SLC2A13: variants seen among roughly 807,000 people sequenced by gnomAD.
SLC2A13 encodes solute carrier family 2 member 13, also known as proton myo-inositol cotransporter.
Under a neutral mutation model 64.4 loss-of-function variants are expected in SLC2A13, and 32 were observed. The observed-to-expected ratio is 0.50, with a 90% CI of 0.37 to 0.67. The LOEUF (loss-of-function observed/expected upper bound fraction) is 0.67, where lower values mean the gene tolerates loss of function less well. Among genes scored for constraint, SLC2A13 ranks in the 30% least tolerant of loss-of-function variants. The pLI is 0.00. For missense variants in SLC2A13, 743 were observed against 829.2 expected (o/e 0.90, Z 1.28); for synonymous variants, 338 against 327.1 (o/e 1.03, Z -0.36).
At chr12:40,076,536 T>A (rs963346360) in intron 1 of SLC2A13, among the ~76,000 whole-genome samples, 1 of 152,212 alleles carries the variant, frequency 6.6e-6, no homozygotes, top group African/African-American at 2.4e-5. Flanking sequence ...ATGTACATTT[T>A]CTTTATCCAG....
chr12:39,844,051 G>A (rs913502349), intron 6 of SLC2A13, among the ~76,000 whole-genome samples: 10 of 151,816 alleles, frequency 6.6e-5, no homozygotes, highest in African/African-American at 2.2e-4. Flanking sequence ...TTTTGCTTGG[G>A]GCTCATCATT....
chr12:39,788,723 G>A (rs1307430485), intron 7 of SLC2A13: 1 of 152,056 alleles, frequency 6.6e-6, no homozygotes, highest in Non-Finnish European at 1.5e-5. Context: ...AAGCTTGCAT[G>A]TTCAGGTCTG....
chr12:39,794,803 GTTAAA>G (rs1318039431), intron 7 of SLC2A13, among the ~76,000 whole-genome samples: 1 of 152,128 alleles, frequency 6.6e-6, no homozygotes, highest in Non-Finnish European at 1.5e-5. Context: ...ATTAAACTCT[GTTAAA>G]TTTAATTTGT....
chr12:39,799,535 G>A (rs11173635), intron 7 of SLC2A13, among the ~76,000 whole-genome samples: 2 of 151,740 alleles, frequency 1.3e-5, no homozygotes, highest in South Asian at 4.2e-4. Context: ...TGGCAGAGTA[G>A]AGTAAATCAA....
At chr12:39,927,402 T>C (rs977383869) in intron 4 of SLC2A13, among the ~76,000 whole-genome samples, 9 of 152,186 alleles carry the variant, frequency 5.9e-5, no homozygotes, top group Non-Finnish European at 1.0e-4. Flanking sequence ...ATAAACATAT[T>C]AGTCAAAGCA....
chr12:39,939,933 A>G (rs765877484), intron 4 of SLC2A13, among the ~76,000 whole-genome samples: 1 of 152,174 alleles, frequency 6.6e-6, no homozygotes, highest in Non-Finnish European at 1.5e-5. Context: ...AGGTAATTAG[A>G]CTGAAAGCAA....
chr12:39,860,033 G>A (rs1306905731), intron 6 of SLC2A13, among the ~76,000 whole-genome samples: 2 of 152,098 alleles, frequency 1.3e-5, no homozygotes, highest in East Asian at 3.8e-4. Flanking sequence ...AGAAGAGCAA[G>A]GTTTGAAAGG....
intron 2 of SLC2A13, among the ~76,000 whole-genome samples, chr12:40,038,708 GTGACAGAGCAAGACCCT>G (rs1948030617): frequency 6.9e-6 from 1 of 145,556 alleles, no homozygotes. Context: ...ACCAGCCTGG[GTGACAGAGCAAGACCCT>G]GTCTCAAAAA....
At chr12:39,858,112 G>A (rs534623803) in intron 6 of SLC2A13, among the ~76,000 whole-genome samples, 1 of 152,288 alleles carries the variant, frequency 6.6e-6, no homozygotes, top group East Asian at 1.9e-4. Context: ...CCTCCAAGAA[G>A]CTCTTGTATC....
chr12:40,098,036 T>C (rs1346599730), intron 1 of SLC2A13, among the ~76,000 whole-genome samples: 6 of 150,988 alleles, frequency 4.0e-5, no homozygotes, highest in Non-Finnish European at 7.4e-5. Context: ...TGTATGTATA[T>C]ATGTATATAT....
chr12:39,885,010 G>A (rs1017555862), intron 4 of SLC2A13, among the ~76,000 whole-genome samples: 2 of 152,202 alleles, frequency 1.3e-5, no homozygotes, highest in Non-Finnish European at 2.9e-5. Context: ...GCAGAGACAG[G>A]TATTATAGCC....
intron 4 of SLC2A13, among the ~76,000 whole-genome samples, chr12:39,916,876 A>G (rs1945529356): frequency 1.3e-5 from 2 of 152,136 alleles, no homozygotes. Flanking sequence ...GTGCACAGGT[A>G]CTAACAATTT....
chr12:39,929,022 A>G (rs17127277), intron 4 of SLC2A13, among the ~76,000 whole-genome samples: 10,407 of 152,212 alleles, frequency 0.068, 540 homozygotes, highest in East Asian at 0.27. Flanking sequence ...CTGTCCAGAG[A>G]AAATGAATGT....
At chr12:39,976,430 T>C (rs1420286174) in intron 3 of SLC2A13, among the ~76,000 whole-genome samples, 1 of 152,224 alleles carries the variant, frequency 6.6e-6, no homozygotes, top group East Asian at 1.9e-4. Context: ...AAGAGAGATA[T>C]ATTCTAGCTG....
chr12:39,989,321 C>G (rs1947090682), intron 3 of SLC2A13, among the ~76,000 whole-genome samples: 1 of 152,192 alleles, frequency 6.6e-6, no homozygotes. Context: ...ACCCTCTTGC[C>G]TCAATATCCT....
intron 6 of SLC2A13, among the ~76,000 whole-genome samples, chr12:39,844,731 C>G (rs1020279980): frequency 1.3e-5 from 2 of 152,044 alleles, no homozygotes; most frequent in Admixed American, 6.6e-5. Context: ...CTCTACTCAA[C>G]TCAGTCTGAG....
chr12:39,831,579 ATGTTGGTC>A (rs1942851874), intron 6 of SLC2A13, among the ~76,000 whole-genome samples: 1 of 152,110 alleles, frequency 6.6e-6, no homozygotes. Flanking sequence ...TAGGGTTTTT[ATGTTGGTC>A]CTTTCCAAAT....
intron 2 of SLC2A13, among the ~76,000 whole-genome samples, chr12:40,038,784 G>GGGAAAC (rs1948033819): frequency 1.3e-5 from 2 of 150,720 alleles, no homozygotes; most frequent in African/African-American, 4.9e-5. Context: ...GAAAGGGAAA[G>GGGAAAC]GGAAAAGGAA....
intron 1 of SLC2A13, among the ~76,000 whole-genome samples, chr12:40,084,110 T>C (rs1938510254): frequency 6.6e-6 from 1 of 152,250 alleles, no homozygotes; most frequent in Admixed American, 6.5e-5. Context: ...TTAACTGATA[T>C]ATTTGAATGT....
Sources: allele counts gnomAD v4.1 joint callset (sites outside exome capture counted in the v4.1 genomes callset), GRCh38; gene constraint gnomAD v4.1.1; transcripts MANE v1.5; gene names NCBI Gene and HGNC (gene_info 2026-07-23, HGNC 2026-07-21).